Variants in SEL1L3 observed in about 807,000 individuals in gnomAD.
SEL1L3 encodes SEL1L family member 3.
A neutral mutation model predicts 142.8 loss-of-function variants in SEL1L3; 76 were observed. That is an observed-to-expected ratio of 0.53 (90% confidence interval 0.44 to 0.64). The LOEUF (loss-of-function observed/expected upper bound fraction) is 0.64. SEL1L3 is among the 30% of genes least tolerant of loss of function. SEL1L3 has a pLI of 0.00. For missense variants in SEL1L3, 1,262 were observed against 1,381.7 expected (o/e 0.91, Z 1.37); for synonymous variants, 504 against 519.6 (o/e 0.97, Z 0.41).
chr4:25,794,789 A>G (rs1712597466), intron 11 of SEL1L3, among the ~76,000 whole-genome samples: 1 of 152,212 alleles, frequency 6.6e-6, no homozygotes, highest in African/African-American at 2.4e-5. Context: ...GCAATAGCAA[A>G]GACATGGAAT....
At chr4:25,766,903 C>A (rs1459388711) in intron 19 of SEL1L3, among the ~76,000 whole-genome samples, 2 of 152,168 alleles carry the variant, frequency 1.3e-5, no homozygotes, top group Non-Finnish European at 2.9e-5. Context: ...GCCAGTCCCC[C>A]ACCATGCAGA....
At chr4:25,749,057 G>C (rs1306019819) in intron 23 of SEL1L3, among the ~76,000 whole-genome samples, 1 of 152,176 alleles carries the variant, frequency 6.6e-6, no homozygotes, top group Non-Finnish European at 1.5e-5. Context: ...GAGGTACAAA[G>C]ACCATTTTGC....
Position 25,862,854 on chromosome 4 carries a change from C to T in SEL1L3, c.-18G>A. On this transcript the variant is annotated 5_prime_UTR_variant, in exon 1 of 24. Coordinates refer to ENST00000399878, the MANE Select transcript of SEL1L3 (RefSeq NM_015187.5). ...CGCTGCATGGCGAGGCCGCCCGGAT[C>T]CGGGCCGGAACAGGTCACCTGGTGC... is the stretch of plus-strand genomic sequence containing the variant. The T allele has an allele frequency of 2.7e-6, 3 of 1,094,990 alleles. No individual in the cohort carries two copies. The highest frequency in any genetic ancestry group is 8.6e-5 in the South Asian group (2 of 23,126). 67.8% of individuals were successfully genotyped at this position (1,094,990 alleles called of 1,614,324 possible). A position where few individuals can be genotyped will look rare whatever the true frequency, so the allele number is the denominator to read the frequency against.
In SEL1L3 at chr4:25,747,572, T is replaced by TAACACA. The variant is rs1471907528; in HGVS notation, c.*852_*853insTGTGTT. 3.6e-4 allele frequency: 53 copies of TAACACA among 145,510 alleles called. No individual in the cohort carries two copies. The highest frequency in any genetic ancestry group is 1.2e-3 in the African/African-American group (45 of 38,206). The allele number at this position is 145,510 out of a possible 1,614,324, so 9.0% of individuals were successfully genotyped here. A position where few individuals can be genotyped will look rare whatever the true frequency, so the allele number is the denominator to read the frequency against. ...ACAGACATTCTGCTCTTCCTCTTCC[T>TAACACA]CTCTAACACACACACACACACACAC... On this transcript the variant is annotated 3_prime_UTR_variant, in exon 24 of 24. Transcript: ENST00000399878.
At chr4:25,744,897 G>A (rs1577542360), downstream of SEL1L3, among the ~76,000 whole-genome samples, 1 of 152,232 alleles carries the variant, frequency 6.6e-6, no homozygotes, top group South Asian at 2.1e-4. Context: ...TCCTGCTGAC[G>A]CCTTGATCTT....
chr4:25,732,406 G>A, the SEL1L3 span, among the ~76,000 whole-genome samples: 6 of 152,128 alleles, frequency 3.9e-5, no homozygotes, highest in African/African-American at 1.4e-4. Context: ...GAGTAACATT[G>A]AAGAAACTGC....
intron 6 of SEL1L3, among the ~76,000 whole-genome samples, chr4:25,824,772 T>A (rs113879802): frequency 6.5e-4 from 99 of 152,360 alleles, no homozygotes; most frequent in African/African-American, 2.3e-3. Flanking sequence ...TACTTACATA[T>A]GTAATTCAAT....
intron 1 of SEL1L3, among the ~76,000 whole-genome samples, chr4:25,851,337 C>A (rs1716878565): frequency 6.6e-6 from 1 of 152,134 alleles, no homozygotes; most frequent in Non-Finnish European, 1.5e-5. Flanking sequence ...AGTCACTTCC[C>A]ATTTTTTTGC....
At chr4:25,741,975 AT>A in the SEL1L3 span, among the ~76,000 whole-genome samples, 36 of 151,328 alleles carry the variant, frequency 2.4e-4, no homozygotes, top group South Asian at 4.2e-4. Flanking sequence ...TGCCCGGCTA[AT>A]TTTTTTTGTA....
At position 25,788,054 on chromosome 4, in the gene SEL1L3, C is replaced by T. The variant is rs1182670349; in HGVS notation, c.2217+170G>A. 6.6e-6 allele frequency among the ~76,000 whole-genome samples: 1 copy of T among 152,188 alleles called. No homozygotes were observed. Among genetic ancestry groups the T allele is most frequent in the East Asian group, 1.9e-4 (1 of 5,196 alleles). The stretch of plus-strand genomic sequence containing the variant: ...AATGATTAAAAATGAGAACAGGGAA[C>T]TGCTTCTGACTCTGCCTTTTTAGCC... On this transcript the variant is annotated intron_variant, in intron 13 of 23. Transcript: ENST00000399878. This position sits in a 1 kb window ranked among gnomAD's most constrained non-coding sequence, Gnocchi z 5.3.
In SEL1L3 at chr4:25,845,711, A is replaced by C. The variant is rs60463607; in HGVS notation, c.733+1583T>G. Reference sequence around the variant, plus strand: ...GAGATGACAAGAAATTGATCACTAAAGGAAAAACTTAGAGTGCATGTCCTT... The same window carrying C: ...GAGATGACAAGAAATTGATCACTAACGGAAAAACTTAGAGTGCATGTCCTT... On this transcript the variant is annotated intron_variant, in intron 2 of 23. Transcript: ENST00000399878. 3.9e-4 allele frequency among the ~76,000 whole-genome samples: 59 copies of C among 151,066 alleles called. 1 individual carries two copies. The East Asian group carries it at 4.7e-3, about 12-fold the overall frequency.
chr4:25,832,911 T>G, intron 5 of SEL1L3, 84 bp downstream of exon 5: 1 of 830,300 alleles, frequency 1.2e-6, no homozygotes, highest in Non-Finnish European at 2.0e-6. Flanking sequence ...TTTTGCAGAT[T>G]TTGTTGCTCC....
intron 13 of SEL1L3, among the ~76,000 whole-genome samples, chr4:25,785,068 C>T (rs958875120): frequency 6.6e-6 from 1 of 152,192 alleles, no homozygotes; most frequent in Admixed American, 6.5e-5. Flanking sequence ...CTGTAAACCA[C>T]TGCTGCTTCC....
rs1353817233 is a variant in SEL1L3, at chr4:25,856,577, G to A, written c.162+6098C>T. 2.8e-5 allele frequency among the ~76,000 whole-genome samples: 4 copies of A among 143,772 alleles called. No homozygotes were observed. In the Admixed American group the frequency reaches 2.9e-4, roughly 10 times the overall value. 94.3% of individuals were successfully genotyped at this position (143,772 alleles called of 152,430 possible). A position where few individuals can be genotyped will look rare whatever the true frequency, so the allele number is the denominator to read the frequency against. On this transcript the variant is annotated intron_variant, in intron 1 of 23. Coordinates refer to ENST00000399878, the MANE Select transcript of SEL1L3 (RefSeq NM_015187.5). The stretch of plus-strand genomic sequence containing the variant: ...CAGATTCTCTTGCTTTTGTGTAAAT[G>A]TGCATGTATTGTAATTAAAAAAAAA...
At chr4:25,825,188 G>A (rs1265320631) in intron 6 of SEL1L3, among the ~76,000 whole-genome samples, 2 of 152,168 alleles carry the variant, frequency 1.3e-5, no homozygotes, top group African/African-American at 2.4e-5. Flanking sequence ...CTAGGGCACT[G>A]AATCGTAATT....
intron 1 of SEL1L3, among the ~76,000 whole-genome samples, chr4:25,849,686 G>A (rs1716758803): frequency 6.6e-6 from 1 of 152,202 alleles, no homozygotes; most frequent in Non-Finnish European, 1.5e-5. Context: ...ACATTTTAAT[G>A]CTTGCATATT....
intron 9 of SEL1L3, among the ~76,000 whole-genome samples, chr4:25,811,336 GT>G (rs1714006804): frequency 6.6e-6 from 1 of 152,184 alleles, no homozygotes; most frequent in Admixed American, 6.5e-5. Context: ...CAGCGTCCTG[GT>G]AGACCTGAGA....
chr4:25,816,843 T>G (rs940202277), intron 9 of SEL1L3, among the ~76,000 whole-genome samples: 4 of 152,110 alleles, frequency 2.6e-5, no homozygotes, highest in Non-Finnish European at 5.9e-5. Flanking sequence ...CTGCCTGCAA[T>G]TCCCACCTCC....
chr4:25,797,486 C>T (rs1045842694), intron 11 of SEL1L3, among the ~76,000 whole-genome samples: 5 of 152,040 alleles, frequency 3.3e-5, no homozygotes, highest in African/African-American at 4.8e-5. Context: ...ACTTGTAAGT[C>T]GGAAGGGGAA....
Sources: gnomAD v4.1 joint callset for allele counts (sites outside exome capture counted in the v4.1 genomes callset) on GRCh38, gnomAD v4.1.1 for gene constraint, Gnocchi (gnomAD v3.1) non-coding constraint, MANE v1.5 for transcripts, NCBI Gene and HGNC (gene_info 2026-07-23, HGNC 2026-07-21) for gene names.